SCN2A: variants seen among roughly 807,000 people sequenced by gnomAD.
SCN2A encodes sodium channel protein type 2 subunit alpha.
In SCN2A, 20 loss-of-function variants were observed where a neutral mutation model predicts 188.7. The ratio of observed to expected loss-of-function variants is 0.11; its 90% CI spans 0.07 to 0.15. The LOEUF (loss-of-function observed/expected upper bound fraction) is 0.15. SCN2A is among the 10% of genes least tolerant of loss of function. The probability of loss-of-function intolerance (pLI) is 1.00; values close to 1 mark genes in which losing one functional copy is unlikely to be tolerated. For synonymous variants in SCN2A, 804 were observed against 833.1 expected, an observed-to-expected ratio of 0.97 and a Z score of 0.60; for missense variants, 1,278 against 2,445.0, an observed-to-expected ratio of 0.52 and a Z score of 10.07.
intron 11 of SCN2A, among the ~76,000 whole-genome samples, chr2:165,322,892 G>A (rs1172248816): frequency 6.6e-6 from 1 of 152,156 alleles, no homozygotes; most frequent in African/African-American, 2.4e-5. Context: ...CTATGTTGAG[G>A]TGTGGGTAAA....
chr2:165,272,832 A>G (rs867507801), intron 1 of SCN2A: 16 of 151,924 alleles, frequency 1.1e-4, no homozygotes, highest in Middle Eastern at 6.8e-3. Flanking sequence ...ACGGAGTGAT[A>G]ATTAGAATAC....
At chr2:165,292,610 A>G (rs1490202700) in intron 1 of SCN2A, among the ~76,000 whole-genome samples, 1 of 152,208 alleles carries the variant, frequency 6.6e-6, no homozygotes, top group Non-Finnish European at 1.5e-5. Flanking sequence ...CAACAAATAC[A>G]TTTTCCAATG....
chr2:165,351,387 T>C (rs1301298298), intron 16 of SCN2A, among the ~76,000 whole-genome samples: 2 of 152,092 alleles, frequency 1.3e-5, no homozygotes, highest in Non-Finnish European at 2.9e-5. Context: ...TAGCATTGAA[T>C]TGAGTTATCA....
At position 165,296,770 on chromosome 2, in the gene SCN2A, G is replaced by A. The variant is rs376118820; in HGVS notation, c.268-247G>A. ...AATACTTACATTAAAACTTGATAAA[G>A]TTGCTAAGAATTCCTATGGCATTGA... On this transcript the variant is annotated intron_variant, in intron 2 of 26. Transcript: ENST00000375437. The A allele has an allele frequency of 1.7e-3, 478 of 285,312 alleles. 17 individuals are homozygous for A. The South Asian group carries it at 0.048, about 29-fold the overall frequency. 17.7% of individuals were successfully genotyped at this position (285,312 alleles called of 1,614,324 possible).
intron 1 of SCN2A, among the ~76,000 whole-genome samples, chr2:165,265,878 G>A (rs1384414795): frequency 4.0e-5 from 6 of 150,346 alleles, no homozygotes; most frequent in Non-Finnish European, 7.4e-5. Context: ...CTGGAGTCTA[G>A]TGGTGCAATC....
intron 14 of SCN2A, among the ~76,000 whole-genome samples, chr2:165,341,660 A>G (rs1208105678): frequency 1.3e-5 from 2 of 152,216 alleles, no homozygotes; most frequent in African/African-American, 4.8e-5. Context: ...GCTGACTTTC[A>G]TCACCTCTAA....
chr2:165,247,541 A>G (rs1343558379), intron 1 of SCN2A, among the ~76,000 whole-genome samples: 1 of 152,010 alleles, frequency 6.6e-6, no homozygotes, highest in Admixed American at 6.6e-5. Context: ...CCCTTGATAC[A>G]CTGCCTTCCG....
chr2:165,344,740 T>G lies in SCN2A; in HGVS notation c.2748T>G (p.Asn916Lys). Residue 916 changes from asparagine (N) to lysine (K), a missense_variant, in exon 16 of 27, where the codon AAT becomes AAG. Physicochemically the swap from Asn to Lys is moderately conservative, Grantham distance 94. Around this residue, in one of 17 missense-constraint regions of SCN2A, gnomAD observed 83 missense variants for 256.8 expected, o/e 0.32. Transcript: ENST00000375437. ...AAGAATGTGTCTGCAAGATTTCCAA[T>G]GATTGTGAACTCCCACGCTGGCACA... ...SYKECVCKIS[N>K]DCELPRWHMH... 1.2e-6 allele frequency: 2 copies of G among 1,614,146 alleles called. No individual in the cohort carries two copies. The highest frequency in any genetic ancestry group is 3.3e-4 in the Middle Eastern group (2 of 6,062).
chr2:165,369,223 C>T (rs891631227), intron 19 of SCN2A, among the ~76,000 whole-genome samples: 1 of 152,138 alleles, frequency 6.6e-6, no homozygotes, highest in Non-Finnish European at 1.5e-5. Context: ...ACCACCGCAC[C>T]TTGCCAGACA....
At chr2:165,298,993 T>C (rs1048256221) in intron 3 of SCN2A, among the ~76,000 whole-genome samples, 4 of 152,140 alleles carry the variant, frequency 2.6e-5, no homozygotes, top group African/African-American at 9.7e-5. Context: ...TGCATCTGAA[T>C]GATGAGATGG....
intron 14 of SCN2A, among the ~76,000 whole-genome samples, chr2:165,340,881 T>A (rs976516143): frequency 3.9e-5 from 6 of 152,130 alleles, no homozygotes; most frequent in Admixed American, 2.0e-4. Context: ...TCGTTTGGAT[T>A]TATTGGTGAT....
chr2:165,388,146 A>T (rs1209291609), intron 26 of SCN2A, among the ~76,000 whole-genome samples: 3 of 152,164 alleles, frequency 2.0e-5, no homozygotes, highest in Non-Finnish European at 4.4e-5. Context: ...GCCAGGATTC[A>T]GTCCCAAGTA....
intron 6 of SCN2A, 108 bp downstream of exon 6, chr2:165,309,551 A>T (rs1327670206): frequency 1.5e-6 from 2 of 1,322,620 alleles, no homozygotes; most frequent in Admixed American, 3.8e-5. Flanking sequence ...ATAAATATGT[A>T]AAAAAGCAAG....
chr2:165,319,052 T>C (rs1697924393), intron 11 of SCN2A, among the ~76,000 whole-genome samples: 1 of 152,134 alleles, frequency 6.6e-6, no homozygotes. Flanking sequence ...TAGAAGTAGT[T>C]CTAGGCCGGG....
rs147522594 is a variant in SCN2A, at chr2:165,386,759, G to C, written c.4565G>C (p.Gly1522Ala). 952 of 1,613,220 alleles carry C rather than the reference G, an allele frequency of 5.9e-4. 12 individuals carry two copies. Among genetic ancestry groups the C allele is most frequent in the South Asian group, 5.7e-3 (520 of 91,024 alleles). The change falls in exon 26 of 27, where the codon GGA becomes GCA. Residue 1522 changes from glycine to alanine, a missense_variant. Around this residue, in one of 17 missense-constraint regions of SCN2A, gnomAD observed 97 missense variants for 266.1 expected, o/e 0.36. Transcript: ENST00000375437. ...PIPRPANKFQGMVFDFVTKQV... is the reference protein window; with the variant it reads ...PIPRPANKFQAMVFDFVTKQV... ...TATTTGTTCCAGAACAAATTCCAAG[G>C]AATGGTCTTTGATTTTGTAACCAAA...
intron 16 of SCN2A, among the ~76,000 whole-genome samples, chr2:165,347,096 A>G (rs1699631669): frequency 6.6e-6 from 1 of 152,246 alleles, no homozygotes; most frequent in African/African-American, 2.4e-5. Flanking sequence ...AACTGGGTAT[A>G]TACCCAAAGG....
At chr2:165,363,966 T>A (rs886615674) in intron 17 of SCN2A, among the ~76,000 whole-genome samples, 1 of 152,146 alleles carries the variant, frequency 6.6e-6, no homozygotes, top group African/African-American at 2.4e-5. Context: ...TAAGGAAATA[T>A]TTTATATAAA....
intron 1 of SCN2A, among the ~76,000 whole-genome samples, chr2:165,287,782 C>A (rs1695917003): frequency 6.6e-6 from 1 of 152,062 alleles, no homozygotes; most frequent in African/African-American, 2.4e-5. Flanking sequence ...GGCAGGTGGG[C>A]ACACTGCAAA....
chr2:165,388,663 T>G lies in SCN2A; in HGVS notation c.4857T>G (p.Phe1619Leu). ...MFLAELIEKYFVSPTLFRVIR... is the reference protein window; with the variant it reads ...MFLAELIEKYLVSPTLFRVIR... ...TGGCTGAACTGATAGAAAAGTATTT[T>G]GTGTCCCCTACCCTGTTCCGAGTGA... The change falls in exon 27 of 27, where the codon TTT (phenylalanine) becomes TTG (leucine). Residue 1619 changes from phenylalanine (F) to leucine (L), a missense_variant. Physicochemically the swap from Phe to Leu is conservative, Grantham distance 22 (BLOSUM62 0). Transcript: ENST00000375437. 6.2e-7 allele frequency: 1 copy of G among 1,613,956 alleles called. No homozygotes were observed. The highest frequency in any genetic ancestry group is 8.5e-7 in the Non-Finnish European group (1 of 1,179,888).
Sources: allele counts gnomAD v4.1 joint callset (sites outside exome capture counted in the v4.1 genomes callset), GRCh38; gene constraint gnomAD v4.1.1; regional missense constraint gnomAD v4.1.1; transcripts MANE v1.5; gene names NCBI Gene and HGNC (gene_info 2026-07-23, HGNC 2026-07-21).